DMD: variants seen among roughly 807,000 people sequenced by gnomAD.
DMD encodes the protein mutant dystrophin.
In DMD, 63 loss-of-function variants were observed where a neutral mutation model predicts 330.1. That is an observed-to-expected ratio of 0.19 (90% CI 0.16 to 0.24). DMD has a LOEUF of 0.24. Ranked by LOEUF, DMD falls within the 10% of genes least tolerant of loss-of-function variation. The pLI, the probability that DMD is intolerant of heterozygous loss-of-function variation, is 1.00. For synonymous variants in DMD, 1,223 were observed against 959.8 expected (o/e 1.27, Z -5.07); for missense variants, 3,344 against 2,684.1 (o/e 1.25, Z -5.43).
intron 2 of DMD, among the ~76,000 whole-genome samples, chrX:32,983,679 G>A (rs748341317): frequency 1.0e-3 from 110 of 110,535 alleles, no homozygotes; most frequent in South Asian, 2.3e-3. Flanking sequence ...TAACTTTAGG[G>A]AAAAAATGGT....
intron 1 of DMD, among the ~76,000 whole-genome samples, chrX:33,102,308 T>C (rs767467359): frequency 1.1e-4 from 4 of 37,589 alleles, no homozygotes; most frequent in African/African-American, 2.5e-4. Flanking sequence ...AGAAGGCTGG[T>C]TTTTTTTGTT....
At chrX:31,231,773 C>T (rs1381731923) in intron 63 of DMD, among the ~76,000 whole-genome samples, 1 of 111,639 alleles carries the variant, frequency 9.0e-6, no homozygotes, top group East Asian at 2.8e-4. Flanking sequence ...CCAGCTACTA[C>T]CTGGGAGGCT....
intron 13 of DMD, among the ~76,000 whole-genome samples, chrX:32,593,563 A>G (rs2055176831): frequency 9.0e-6 from 1 of 111,313 alleles, no homozygotes; most frequent in South Asian, 3.8e-4. Flanking sequence ...CAGGGTTCCA[A>G]GGAAGGCAGT....
chrX:32,388,885 C>A (rs1460214333), intron 32 of DMD, among the ~76,000 whole-genome samples: 1 of 111,488 alleles, frequency 9.0e-6, no homozygotes, highest in Non-Finnish European at 1.9e-5. Flanking sequence ...ACATAGGACA[C>A]CGTTCAATAT....
At chrX:31,751,052 G>A (rs968304937) in intron 51 of DMD, among the ~76,000 whole-genome samples, 6 of 108,525 alleles carry the variant, frequency 5.5e-5, no homozygotes, top group East Asian at 2.9e-4. Context: ...AATCAATATC[G>A]TGTAAATGGC....
Position 32,212,546 on chromosome X carries a change from T to C in DMD, c.6438+4370A>G, listed in dbSNP as rs760287430. On this transcript the variant is annotated intron_variant, in intron 44 of 78. Coordinates refer to ENST00000357033, the MANE Select transcript of DMD (RefSeq NM_004006.3). Reference sequence around the variant, plus strand: ...TCACAAGATTCTACAACTATTAAGCTAAAGGACCTGGGATTTGAATCCAAT... The same window carrying C: ...TCACAAGATTCTACAACTATTAAGCCAAAGGACCTGGGATTTGAATCCAAT... Among the ~76,000 whole-genome samples, 20 of 112,138 alleles carry C rather than the reference T, an allele frequency of 1.8e-4. No individual in the cohort carries two copies. The South Asian group carries it at 3.7e-3, about 21-fold the overall frequency.
chrX:32,796,757 A>T (rs184054180), intron 7 of DMD, among the ~76,000 whole-genome samples: 112 of 112,240 alleles, frequency 1.0e-3, no homozygotes, highest in Non-Finnish European at 1.7e-3. Flanking sequence ...TAAAAGTTCT[A>T]AAAAGAGAAT....
intron 21 of DMD, among the ~76,000 whole-genome samples, chrX:32,476,181 CTTCTTTCTG>C (rs2041218709): frequency 9.0e-6 from 1 of 110,940 alleles, no homozygotes; most frequent in Non-Finnish European, 1.9e-5. Context: ...TCCTCTTTAA[CTTCTTTCTG>C]GTCTTTCTGT....
intron 13 of DMD, among the ~76,000 whole-genome samples, chrX:32,578,425 G>A (rs1463756112): frequency 2.7e-5 from 3 of 111,705 alleles, no homozygotes; most frequent in Admixed American, 9.5e-5. Context: ...AGCTCACTTC[G>A]TCTAACATTT....
intron 1 of DMD, among the ~76,000 whole-genome samples, chrX:33,071,311 T>A (rs1249616972): frequency 2.8e-5 from 3 of 107,992 alleles, no homozygotes; most frequent in Non-Finnish European, 5.7e-5. Context: ...ATTAGCCAAG[T>A]GTGGTGGCAC....
intron 57 of DMD, 65 bp downstream of exon 57, chrX:31,496,723 T>A (rs2069893388): frequency 8.7e-7 from 1 of 1,153,566 alleles, no homozygotes; most frequent in South Asian, 1.9e-5. Context: ...AAATTAATTT[T>A]AAAATAGTCA....
intron 60 of DMD, among the ~76,000 whole-genome samples, chrX:31,386,527 C>T (rs773363858): frequency 5.4e-5 from 6 of 111,881 alleles, no homozygotes; most frequent in Non-Finnish European, 9.4e-5. Context: ...ACTTTTAATG[C>T]CTTACCTCAT....
chrX:31,243,023 G>C (rs1186680329), intron 63 of DMD, among the ~76,000 whole-genome samples: 1 of 111,519 alleles, frequency 9.0e-6, no homozygotes, highest in Non-Finnish European at 1.9e-5. Flanking sequence ...AGTCACGCCA[G>C]CTTGGGCAAT....
intron 51 of DMD, among the ~76,000 whole-genome samples, chrX:31,768,982 T>C (rs1406670794): frequency 2.7e-5 from 3 of 112,440 alleles, no homozygotes; most frequent in South Asian, 3.6e-4. Context: ...TTTCACTGAA[T>C]ATAATTCACT....
intron 60 of DMD, among the ~76,000 whole-genome samples, chrX:31,362,726 C>T (rs776379107): frequency 4.4e-5 from 5 of 112,845 alleles, no homozygotes; most frequent in Admixed American, 2.8e-4. Flanking sequence ...TGGTGGATCA[C>T]GAGGTCAGGA....
At chrX:32,533,035 G>T (rs1214765398) in intron 17 of DMD, among the ~76,000 whole-genome samples, 1 of 111,432 alleles carries the variant, frequency 9.0e-6, no homozygotes, top group African/African-American at 3.3e-5. Flanking sequence ...GAGTTGAGTA[G>T]TTTTAAAATA....
intron 70 of DMD, 157 bp downstream of exon 70, chrX:31,178,512 A>G (rs976576806): frequency 9.9e-7 from 1 of 1,008,942 alleles, no homozygotes; most frequent in African/African-American, 1.9e-5. Context: ...GAAAGTGGCA[A>G]CTGGACATCA....
intron 7 of DMD, among the ~76,000 whole-genome samples, chrX:32,756,593 C>T (rs2071536927): frequency 9.0e-6 from 1 of 110,684 alleles, no homozygotes; most frequent in Admixed American, 9.6e-5. Context: ...CAAGATTAAT[C>T]TCCTTGTGGA....
chrX:32,999,083 A>G (rs1246971213), intron 2 of DMD, among the ~76,000 whole-genome samples: 1 of 112,556 alleles, frequency 8.9e-6, no homozygotes, highest in Non-Finnish European at 1.9e-5. Flanking sequence ...GAACCAGAAA[A>G]CAAACAAACA....
Sources: allele counts gnomAD v4.1 joint callset (sites outside exome capture counted in the v4.1 genomes callset), GRCh38; gene constraint gnomAD v4.1.1; transcripts MANE v1.5; gene names NCBI Gene and HGNC (gene_info 2026-07-23, HGNC 2026-07-21).